XPO1: variants seen among roughly 807,000 people sequenced by gnomAD.
XPO1 encodes the protein exportin-1.
In XPO1, 5 loss-of-function variants were observed where a neutral mutation model predicts 133.3. That is an observed-to-expected ratio of 0.04 (90% CI 0.02 to 0.08). The LOEUF is 0.08. Ranked by LOEUF, XPO1 falls within the 10% of genes least tolerant of loss-of-function variation. The probability of loss-of-function intolerance (pLI) is 1.00; values close to 1 mark genes in which losing one functional copy is unlikely to be tolerated. For synonymous variants in XPO1, 419 were observed against 408.2 expected (o/e 1.03, Z -0.32); for missense variants, 506 against 1,267.5 (o/e 0.40, Z 9.12).
chr2:61,495,869 T>C (rs1697217864), intron 10 of XPO1, among the ~76,000 whole-genome samples: 1 of 152,012 alleles, frequency 6.6e-6, no homozygotes, highest in African/African-American at 2.4e-5. Context: ...GGTATCTTGT[T>C]ATGTTGTCCA....
At chr2:61,533,412 T>G (rs925928759) in intron 2 of XPO1, among the ~76,000 whole-genome samples, 2 of 152,178 alleles carry the variant, frequency 1.3e-5, no homozygotes, top group Admixed American at 6.6e-5. Flanking sequence ...CTGTTTTTAT[T>G]TAAACAAACA....
chr2:61,535,689 G>A (rs1218160020), intron 1 of XPO1, among the ~76,000 whole-genome samples: 2 of 152,130 alleles, frequency 1.3e-5, no homozygotes, highest in Non-Finnish European at 2.9e-5. Context: ...CAAGAAATTA[G>A]GAGTTCAAGA....
intron 4 of XPO1, among the ~76,000 whole-genome samples, chr2:61,520,228 T>C (rs1698623693): frequency 6.6e-6 from 1 of 152,182 alleles, no homozygotes; most frequent in African/African-American, 2.4e-5. Flanking sequence ...ATGTTTTAAA[T>C]TAATTTATGT....
At chr2:61,511,455 C>T (rs1698093619) in intron 4 of XPO1, among the ~76,000 whole-genome samples, 1 of 152,220 alleles carries the variant, frequency 6.6e-6, no homozygotes, top group Middle Eastern at 3.4e-3. Flanking sequence ...CACTCTGTTG[C>T]CCAGGCTGGA....
At chr2:61,524,839 G>A (rs989585136) in intron 3 of XPO1, among the ~76,000 whole-genome samples, 5 of 152,122 alleles carry the variant, frequency 3.3e-5, no homozygotes, top group Non-Finnish European at 5.9e-5. Flanking sequence ...TGTCACTTAA[G>A]CCCAGGAGTT....
At position 61,492,542 on chromosome 2, in the gene XPO1, T is replaced by G. The variant is rs1269273866; in HGVS notation, c.1566+25A>C. ...CAACATAATACTTATTTAGCAATTC[T>G]AATTCATACCTATCCCTTGCATACC... On this transcript the variant is annotated intron_variant, in intron 14 of 24. Transcript: ENST00000401558. The surrounding 1 kb of genome is among the most constrained non-coding windows in gnomAD (Gnocchi z 5.6). The G allele has an allele frequency of 6.3e-7, 1 of 1,598,426 alleles. No individual in the cohort carries two copies. The highest frequency in any genetic ancestry group is 8.5e-7 in the Non-Finnish European group (1 of 1,174,894).
chr2:61,491,617 C>A (rs1319233323), intron 16 of XPO1, among the ~76,000 whole-genome samples: 1 of 152,030 alleles, frequency 6.6e-6, no homozygotes, highest in Non-Finnish European at 1.5e-5. Flanking sequence ...TTTAACCAGG[C>A]TGGGCGTGGT....
At chr2:61,500,472 G>C (rs182960086) in intron 6 of XPO1, among the ~76,000 whole-genome samples, 1 of 151,158 alleles carries the variant, frequency 6.6e-6, no homozygotes, top group Non-Finnish European at 1.5e-5. Flanking sequence ...CCAGCTGCTC[G>C]GGAGGCTGAG....
Position 61,498,827 on chromosome 2 carries a change from C to T in XPO1, c.640-35G>A, listed in dbSNP as rs201853401. On this transcript the variant is annotated intron_variant, in intron 8 of 24. Coordinates refer to ENST00000401558, the MANE Select transcript of XPO1 (RefSeq NM_003400.4). Reference sequence around the variant, plus strand: ...AACACACTTGTAAATAATTGCTTTCCTATTATTGTTTTTAAAAATGAAATT... The same window carrying T: ...AACACACTTGTAAATAATTGCTTTCTTATTATTGTTTTTAAAAATGAAATT... 77 of 1,608,358 alleles carry T rather than the reference C, an allele frequency of 4.8e-5. No homozygotes were observed. The Middle Eastern group carries it at 4.9e-4, about 10-fold the overall frequency.
At chr2:61,510,636 A>G (rs1196884996) in intron 4 of XPO1, among the ~76,000 whole-genome samples, 2 of 152,166 alleles carry the variant, frequency 1.3e-5, no homozygotes, top group Admixed American at 1.3e-4. Flanking sequence ...ATCACTCATG[A>G]TAGCCAAAAG....
chr2:61,505,118 C>T (rs1697733553), intron 4 of XPO1, among the ~76,000 whole-genome samples: 1 of 152,136 alleles, frequency 6.6e-6, no homozygotes, highest in East Asian at 1.9e-4. Context: ...TCAAGCGATC[C>T]TCCTGCCTCA....
chr2:61,528,733 T>TATA (rs1699020883), intron 2 of XPO1, among the ~76,000 whole-genome samples: 2 of 115,830 alleles, frequency 1.7e-5, no homozygotes, highest in Admixed American at 9.8e-5. Flanking sequence ...GACATTTTAT[T>TATA]TATATATATA....
At chr2:61,537,404 C>T (rs1190647083) in intron 1 of XPO1, among the ~76,000 whole-genome samples, 158 bp downstream of exon 1, 3 of 149,406 alleles carry the variant, frequency 2.0e-5, no homozygotes, top group African/African-American at 7.3e-5. Context: ...TCCATTCAAT[C>T]GCAGGCTCCG....
chr2:61,499,024 G>T (rs1697375767), intron 7 of XPO1, 111 bp from the exon 8 acceptor site: 1 of 1,248,674 alleles, frequency 8.0e-7, no homozygotes, highest in Non-Finnish European at 1.1e-6. Context: ...GCTCATGCCT[G>T]TAATCGCAGA....
At chr2:61,515,590 T>C (rs1698333837) in intron 4 of XPO1, among the ~76,000 whole-genome samples, 1 of 152,268 alleles carries the variant, frequency 6.6e-6, no homozygotes, top group South Asian at 2.1e-4. Flanking sequence ...ATACATTAGC[T>C]CTAATGCCCA....
intron 4 of XPO1, among the ~76,000 whole-genome samples, chr2:61,517,689 A>G (rs1308491004): frequency 1.3e-5 from 2 of 152,138 alleles, no homozygotes; most frequent in African/African-American, 4.8e-5. Flanking sequence ...CTTGGTAGCA[A>G]TTTGGGACGG....
chr2:61,508,802 T>G (rs78289995), intron 4 of XPO1, among the ~76,000 whole-genome samples: 1 of 152,212 alleles, frequency 6.6e-6, no homozygotes, highest in Admixed American at 6.5e-5. Flanking sequence ...GCATCTTACA[T>G]AGTCAGTGAT....
rs541182165 is a variant in XPO1 at position 61,507,529 on chromosome 2, T to A, written c.302-5219A>T. On this transcript the variant is annotated intron_variant, in intron 4 of 24. Transcript: ENST00000401558. Reference sequence around the variant, plus strand: ...GAAGTTACAACGAGCTATGATTGTGTCACTGCACTTCAGCCTGGGCAACAG... The same window carrying A: ...GAAGTTACAACGAGCTATGATTGTGACACTGCACTTCAGCCTGGGCAACAG... 4.6e-5 allele frequency among the ~76,000 whole-genome samples: 7 copies of A among 151,968 alleles called. 1 individual carries two copies. In the South Asian group the frequency reaches 1.2e-3, roughly 27 times the overall value.
At chr2:61,483,747 T>C in intron 21 of XPO1, 190 bp downstream of exon 21, 2 of 588,976 alleles carry the variant, frequency 3.4e-6, no homozygotes, top group Non-Finnish European at 5.7e-6. Context: ...CATAACTCAA[T>C]TCTGCCTATG....
Sources: gnomAD v4.1 joint callset for allele counts (sites outside exome capture counted in the v4.1 genomes callset) on GRCh38, gnomAD v4.1.1 for gene constraint, Gnocchi (gnomAD v3.1) non-coding constraint, MANE v1.5 for transcripts, NCBI Gene and HGNC (gene_info 2026-07-23, HGNC 2026-07-21) for gene names.